The following LTBP1 variants were observed in gnomAD, a reference collection of about 807,000 sequenced individuals.
The protein encoded by LTBP1 is latent-transforming growth factor beta-binding protein 1.
Under a neutral mutation model 207.6 loss-of-function variants are expected in LTBP1, and 129 were observed. The ratio of observed to expected loss-of-function variants is 0.62; its 90% CI spans 0.54 to 0.72. LTBP1 has a LOEUF of 0.72. Among genes scored for constraint, LTBP1 ranks in the 30% least tolerant of loss-of-function variants. The pLI, the probability that LTBP1 is intolerant of heterozygous loss-of-function variation, is 0.00. For missense variants in LTBP1, 2,281 were observed against 2,217.2 expected (o/e 1.03, Z -0.58); for synonymous variants, 963 against 833.7 (o/e 1.16, Z -2.67).
At chr2:33,009,816 G>C (rs1687417448) in intron 2 of LTBP1, among the ~76,000 whole-genome samples, 1 of 152,200 alleles carries the variant, frequency 6.6e-6, no homozygotes, top group Non-Finnish European at 1.5e-5. Flanking sequence ...GTTTGGGGTG[G>C]ATGGAGGGGA....
intron 3 of LTBP1, among the ~76,000 whole-genome samples, chr2:33,051,867 T>G (rs2076763711): frequency 6.6e-6 from 1 of 152,238 alleles, no homozygotes; most frequent in African/African-American, 2.4e-5. Context: ...CCAGGAAATG[T>G]AGAACCCAAA....
intron 16 of LTBP1, among the ~76,000 whole-genome samples, chr2:33,274,394 C>T (rs2093383309): frequency 6.6e-6 from 1 of 150,828 alleles, no homozygotes; most frequent in Non-Finnish European, 1.5e-5. Context: ...CAATAGGAAG[C>T]AACAAAGGAA....
chr2:33,140,240 T>G (rs1025954674), intron 5 of LTBP1, among the ~76,000 whole-genome samples: 1 of 152,104 alleles, frequency 6.6e-6, no homozygotes, highest in African/African-American at 2.4e-5. Context: ...GGAAGAAAAT[T>G]TTCTCTCGTT....
chr2:33,173,383 G>T (rs528407190), intron 5 of LTBP1, among the ~76,000 whole-genome samples: 3 of 151,972 alleles, frequency 2.0e-5, no homozygotes, highest in Admixed American at 6.6e-5. Flanking sequence ...ACACCTCTAC[G>T]CAAATAAACT....
At chr2:33,056,493 G>T (rs1326417450) in intron 3 of LTBP1, 1 of 778,178 alleles carries the variant, frequency 1.3e-6, no homozygotes, top group Non-Finnish European at 2.0e-6. Flanking sequence ...GATGATGCGC[G>T]TCTTCTTCTT....
chr2:33,057,941 G>A (rs1036327224), intron 3 of LTBP1, among the ~76,000 whole-genome samples: 3 of 152,268 alleles, frequency 2.0e-5, no homozygotes, highest in African/African-American at 7.2e-5. Flanking sequence ...CCGAGGAGAC[G>A]CCAAGAGCGA....
At position 33,347,035 on chromosome 2, in the gene LTBP1, G is replaced by A. The variant is rs552455388; in HGVS notation, c.3857-332G>A. Among the ~76,000 whole-genome samples the A allele has an allele frequency of 1.2e-4, 18 of 147,056 alleles. 1 individual carries two copies. In the East Asian group the frequency reaches 3.2e-3, roughly 26 times the overall value. On this transcript the variant is annotated intron_variant, in intron 25 of 33. Coordinates refer to ENST00000404816, the MANE Select transcript of LTBP1 (RefSeq NM_206943.4). ...CAGGAGGCTGAGGCAGGAGAATGGC[G>A]TGAACCCGGGAGGCAGAGCTTGCAG...
intron 22 of LTBP1, among the ~76,000 whole-genome samples, chr2:33,302,990 C>CAA (rs1272147577): frequency 6.7e-6 from 1 of 148,392 alleles, no homozygotes; most frequent in African/African-American, 2.4e-5. Flanking sequence ...CACACAAACA[C>CAA]ACACAAACAC....
intron 31 of LTBP1, among the ~76,000 whole-genome samples, chr2:33,378,191 G>T (rs1173818009): frequency 5.0e-5 from 5 of 100,250 alleles, no homozygotes; most frequent in Non-Finnish European, 1.1e-4. Context: ...ATATATGTGT[G>T]TGTGTGTGTG....
At chr2:33,132,457 T>C (rs1375922160) in intron 4 of LTBP1, among the ~76,000 whole-genome samples, 1 of 152,260 alleles carries the variant, frequency 6.6e-6, no homozygotes, top group Non-Finnish European at 1.5e-5. Context: ...CATATTGTTT[T>C]TGACAGGCTG....
At chr2:33,155,681 C>T (rs1181483657) in intron 5 of LTBP1, among the ~76,000 whole-genome samples, 2 of 152,026 alleles carry the variant, frequency 1.3e-5, no homozygotes, top group Admixed American at 1.3e-4. Context: ...AACTTTTCTC[C>T]TTTGCCTGTT....
intron 2 of LTBP1, among the ~76,000 whole-genome samples, chr2:32,966,029 A>T (rs1232489887): frequency 1.3e-5 from 2 of 152,194 alleles, no homozygotes; most frequent in African/African-American, 4.8e-5. Flanking sequence ...TGGCCATTCT[A>T]ATAGTTATGT....
intron 3 of LTBP1, among the ~76,000 whole-genome samples, chr2:33,055,693 T>C (rs1039483498): frequency 6.6e-6 from 1 of 152,238 alleles, no homozygotes; most frequent in Non-Finnish European, 1.5e-5. Context: ...CCCTAGACCC[T>C]GTAGGACATC....
chr2:33,388,664 A>G (rs1352111107), intron 31 of LTBP1, among the ~76,000 whole-genome samples: 2 of 152,222 alleles, frequency 1.3e-5, no homozygotes, highest in East Asian at 1.9e-4. Flanking sequence ...AATGCTATCC[A>G]TAGAGACTGT....
chr2:33,256,951 A>G (rs1048353719), intron 11 of LTBP1, among the ~76,000 whole-genome samples: 2 of 150,234 alleles, frequency 1.3e-5, no homozygotes, highest in African/African-American at 2.4e-5. Context: ...CTAATCCCTC[A>G]TGGATACTGA....
intron 2 of LTBP1, among the ~76,000 whole-genome samples, chr2:32,998,387 G>A (rs1412703237): frequency 6.6e-6 from 1 of 151,290 alleles, no homozygotes. Context: ...ATGGTGGCAG[G>A]CGCCTGTAAT....
chr2:33,096,754 CAG>C (rs1233987059), intron 3 of LTBP1, among the ~76,000 whole-genome samples: 1 of 152,060 alleles, frequency 6.6e-6, no homozygotes, highest in Non-Finnish European at 1.5e-5. Context: ...ATGAGAGTGA[CAG>C]AAAGTAGCTG....
chr2:33,149,708 A>G (rs2083358260), intron 5 of LTBP1, among the ~76,000 whole-genome samples: 2 of 152,204 alleles, frequency 1.3e-5, no homozygotes, highest in South Asian at 4.1e-4. Context: ...AGAAATGACA[A>G]ATGGGAAACC....
At chr2:33,160,415 A>T (rs1296971846) in intron 5 of LTBP1, among the ~76,000 whole-genome samples, 1 of 152,176 alleles carries the variant, frequency 6.6e-6, no homozygotes, top group Admixed American at 6.5e-5. Context: ...TTCCAAGGGA[A>T]TGTTTTGATT....
Sources: allele counts gnomAD v4.1 joint callset (sites outside exome capture counted in the v4.1 genomes callset), GRCh38; gene constraint gnomAD v4.1.1; transcripts MANE v1.5; gene names NCBI Gene and HGNC (gene_info 2026-07-23, HGNC 2026-07-21).